PTPRA: variants seen among roughly 807,000 people sequenced by gnomAD.
The protein encoded by PTPRA is receptor-type tyrosine-protein phosphatase alpha.
Under a neutral mutation model 104.8 loss-of-function variants are expected in PTPRA, and 25 were observed. That is an observed-to-expected ratio of 0.24 (90% CI 0.17 to 0.33). The LOEUF is 0.33. PTPRA is among the 10% of genes least tolerant of loss of function. The pLI, the probability that PTPRA is intolerant of heterozygous loss-of-function variation, is 1.00. For synonymous variants in PTPRA, 323 were observed against 368.9 expected, an observed-to-expected ratio of 0.88 and a Z score of 1.43; for missense variants, 765 against 1,015.3, an observed-to-expected ratio of 0.75 and a Z score of 3.35.
At chr20:2,910,578 G>GTTTCTTTTTTTTTTTTTTT (rs1337126801) in intron 1 of PTPRA, among the ~76,000 whole-genome samples, 2 of 32,424 alleles carry the variant, frequency 6.2e-5, no homozygotes, top group East Asian at 1.8e-3. Flanking sequence ...TGCCCAGCTA[G>GTTTCTTTTTTTTTTTTTTT]TTTTTTTTTT....
chr20:2,933,422 T>G (rs571746467), intron 2 of PTPRA, among the ~76,000 whole-genome samples: 23 of 152,126 alleles, frequency 1.5e-4, no homozygotes, highest in Admixed American at 1.3e-3. Context: ...GCTTGTTTTT[T>G]GGGGTTCTTT....
At chr20:3,032,555 C>CA (rs1461310899) in intron 20 of PTPRA, among the ~76,000 whole-genome samples, 2 of 149,590 alleles carry the variant, frequency 1.3e-5, no homozygotes, top group East Asian at 3.9e-4. Context: ...ATCACAAAGT[C>CA]AGGAGATCGA....
intron 1 of PTPRA, among the ~76,000 whole-genome samples, chr20:2,877,881 G>A (rs769165284): frequency 1.8e-4 from 27 of 152,234 alleles, no homozygotes; most frequent in African/African-American, 5.1e-4. Context: ...GGCTGGGTGC[G>A]GTGGCTCACG....
intron 2 of PTPRA, among the ~76,000 whole-genome samples, chr20:2,924,976 G>T (rs2060241805): frequency 6.6e-6 from 1 of 152,104 alleles, no homozygotes; most frequent in African/African-American, 2.4e-5. Flanking sequence ...ACCGCGCCCG[G>T]CCTGAAAAGG....
Position 3,022,929 on chromosome 20 carries a change from T to C in PTPRA, c.1464+105T>C. 6.6e-7 allele frequency: 1 copy of C among 1,509,238 alleles called. No homozygotes were observed. Among genetic ancestry groups the C allele is most frequent in the Non-Finnish European group, 9.0e-7 (1 of 1,115,630 alleles). The allele number at this position is 1,509,238 out of a possible 1,614,324, so 93.5% of individuals were successfully genotyped here. A position where few individuals can be genotyped will look rare whatever the true frequency, so the allele number is the denominator to read the frequency against. On this transcript the variant is annotated intron_variant, in intron 16 of 23. Coordinates refer to ENST00000399903, the MANE Select transcript of PTPRA (RefSeq NM_001385305.1). The surrounding 1 kb of genome is among the most constrained non-coding windows in gnomAD (Gnocchi z 4.6). ...CACAGGTTATTGTAAATGATTACTA[T>C]AGAGTGTGATTGTGGGGGAAAGAAA...
chr20:2,907,831 T>A (rs2059482780), intron 1 of PTPRA, among the ~76,000 whole-genome samples: 2 of 152,126 alleles, frequency 1.3e-5, no homozygotes, highest in South Asian at 4.1e-4. Flanking sequence ...TTAAACAGAT[T>A]ATTGATCTTG....
At chr20:2,958,143 TTAG>T (rs2061604221) in intron 3 of PTPRA, among the ~76,000 whole-genome samples, 1 of 151,966 alleles carries the variant, frequency 6.6e-6, no homozygotes, top group Admixed American at 6.6e-5. Context: ...TTGAAAAGAA[TTAG>T]AGAGGGGTTC....
In PTPRA at chr20:3,007,324, ATTG is replaced by A. The variant is rs2063923518; in HGVS notation, c.830-16_830-14del. ...AAATAAATTTTGATTTTACTGAAAT[ATTG>A]TTGGTTTGTTTCCTAGATGACCACT... On this transcript the variant is annotated splice_polypyrimidine_tract_variant and intron_variant, in intron 10 of 23. Coordinates refer to ENST00000399903, the MANE Select transcript of PTPRA (RefSeq NM_001385305.1). 1.2e-6 allele frequency: 2 copies of A among 1,607,680 alleles called. No homozygotes were observed. Among genetic ancestry groups the A allele is most frequent in the African/African-American group, 2.7e-5 (2 of 74,730 alleles).
intron 1 of PTPRA, among the ~76,000 whole-genome samples, chr20:2,880,907 G>T (rs1480092345): frequency 6.6e-6 from 1 of 152,018 alleles, no homozygotes; most frequent in African/African-American, 2.4e-5. Flanking sequence ...TACTTGGGAG[G>T]CTGAGGCAGA....
At chr20:3,010,655 A>T (rs1261643206) in intron 11 of PTPRA, among the ~76,000 whole-genome samples, 1 of 152,068 alleles carries the variant, frequency 6.6e-6, no homozygotes, top group Non-Finnish European at 1.5e-5. Context: ...AAAAAATAAA[A>T]AAAATAAACA....
At chr20:2,985,515 T>C (rs6138975) in intron 6 of PTPRA, among the ~76,000 whole-genome samples, 2,344 of 152,044 alleles carry the variant, frequency 0.015, 122 homozygotes, top group Admixed American at 0.09. Flanking sequence ...GTGTAGTTCA[T>C]GGAGTCGGGT....
chr20:2,894,768 C>T (rs532162808), intron 1 of PTPRA, among the ~76,000 whole-genome samples: 14 of 152,064 alleles, frequency 9.2e-5, no homozygotes, highest in Non-Finnish European at 1.8e-4. Context: ...GGGTGGATCA[C>T]GAGGTCAGGA....
chr20:2,903,033 G>A (rs535063636), intron 1 of PTPRA, among the ~76,000 whole-genome samples: 10 of 152,150 alleles, frequency 6.6e-5, no homozygotes, highest in African/African-American at 2.2e-4. Context: ...TGCAAAATGG[G>A]AGATAGTGCA....
intron 2 of PTPRA, among the ~76,000 whole-genome samples, chr20:2,935,339 C>CTGAA (rs2060652537): frequency 6.6e-6 from 1 of 152,070 alleles, no homozygotes; most frequent in African/African-American, 2.4e-5. Context: ...TTTTTTAAGG[C>CTGAA]TGAATAGTGT....
intron 2 of PTPRA, among the ~76,000 whole-genome samples, chr20:2,933,733 A>G (rs188340951): frequency 3.9e-5 from 6 of 152,258 alleles, no homozygotes; most frequent in Admixed American, 2.0e-4. Context: ...AAGTGCTGGG[A>G]TTACAGATGC....
At chr20:3,004,916 C>CT in intron 9 of PTPRA, 140 bp from the exon 10 acceptor site, 1 of 723,258 alleles carries the variant, frequency 1.4e-6, no homozygotes, top group South Asian at 1.8e-5. Flanking sequence ...CTGTGTTAGG[C>CT]TGCAGGTATT....
At chr20:3,005,275 T>C in intron 10 of PTPRA, 129 bp downstream of exon 10, 3 of 857,236 alleles carry the variant, frequency 3.5e-6, no homozygotes, top group Non-Finnish European at 5.6e-6. Context: ...ATGGCAGTAC[T>C]CAGTGGCTCA....
At chr20:2,916,085 G>A (rs772327918) in intron 1 of PTPRA, among the ~76,000 whole-genome samples, 2 of 152,122 alleles carry the variant, frequency 1.3e-5, no homozygotes. Context: ...TGTGCTGCAG[G>A]CTGGAGTGCA....
chr20:3,007,268 C>G (rs2063920169), intron 10 of PTPRA, 76 bp from the exon 11 acceptor site: 3 of 1,415,474 alleles, frequency 2.1e-6, no homozygotes, highest in Non-Finnish European at 3.0e-6. Flanking sequence ...ACAGATGTCT[C>G]AACTGTCCTG....
Sources: allele counts gnomAD v4.1 joint callset (sites outside exome capture counted in the v4.1 genomes callset), GRCh38; gene constraint gnomAD v4.1.1; non-coding constraint Gnocchi (gnomAD v3.1); transcripts MANE v1.5; gene names NCBI Gene and HGNC (gene_info 2026-07-23, HGNC 2026-07-21).